Variants in SLC12A6 observed in about 807,000 individuals in gnomAD.
The protein encoded by SLC12A6 is K-Cl cotransporter 3.
A neutral mutation model predicts 135.3 loss-of-function variants in SLC12A6; 66 were observed. The ratio of observed to expected loss-of-function variants is 0.49; its 90% confidence interval spans 0.40 to 0.60. The LOEUF (loss-of-function observed/expected upper bound fraction) is 0.60. SLC12A6 is among the 20% of genes least tolerant of loss of function. The pLI is 0.00. For missense variants in SLC12A6, 1,058 were observed against 1,452.3 expected, an observed-to-expected ratio of 0.73 and a Z score of 4.41; for synonymous variants, 513 against 508.8, an observed-to-expected ratio of 1.01 and a Z score of -0.11.
intron 2 of SLC12A6, among the ~76,000 whole-genome samples, chr15:34,304,569 T>C (rs565708027): frequency 2.0e-5 from 3 of 152,360 alleles, no homozygotes; most frequent in Admixed American, 1.3e-4. Context: ...TTTTTGTTTA[T>C]AGCCATCCCA....
intron 24 of SLC12A6, among the ~76,000 whole-genome samples, 199 bp downstream of exon 24, chr15:34,235,816 G>A (rs1159631683): frequency 6.6e-6 from 1 of 152,148 alleles, no homozygotes; most frequent in Non-Finnish European, 1.5e-5. Flanking sequence ...AACACAGTAT[G>A]GAGGTGAACT....
At chr15:34,334,200 G>C (rs913268045) in intron 2 of SLC12A6, among the ~76,000 whole-genome samples, 3 of 152,126 alleles carry the variant, frequency 2.0e-5, no homozygotes, top group African/African-American at 7.2e-5. Flanking sequence ...GGAGGCATGG[G>C]GGAAAGGAGA....
intron 2 of SLC12A6, among the ~76,000 whole-genome samples, chr15:34,330,658 C>A (rs1431355322): frequency 1.3e-5 from 2 of 150,588 alleles, no homozygotes; most frequent in Non-Finnish European, 2.9e-5. Context: ...CAGAATGAGA[C>A]CCTGTCTCAA....
intron 2 of SLC12A6, among the ~76,000 whole-genome samples, chr15:34,314,513 A>C (rs183019231): frequency 6.6e-6 from 1 of 152,378 alleles, no homozygotes; most frequent in Admixed American, 6.5e-5. Flanking sequence ...TAACATCAAC[A>C]ACAGCATCTT....
chr15:34,269,301 TA>T (rs1484233451), intron 3 of SLC12A6, among the ~76,000 whole-genome samples: 6 of 146,194 alleles, frequency 4.1e-5, no homozygotes, highest in South Asian at 2.1e-4. Flanking sequence ...TTTCATGGCA[TA>T]TTTTTTTTTT....
chr15:34,322,575 G>T (rs2141138367), intron 2 of SLC12A6, among the ~76,000 whole-genome samples: 1 of 152,074 alleles, frequency 6.6e-6, no homozygotes, highest in East Asian at 1.9e-4. Context: ...TAGGATAGAT[G>T]GACACATATG....
At chr15:34,281,743 G>A (rs573611542) in intron 2 of SLC12A6, among the ~76,000 whole-genome samples, 1 of 152,158 alleles carries the variant, frequency 6.6e-6, no homozygotes, top group African/African-American at 2.4e-5. Context: ...AGCCAAGATG[G>A]CGCCACTGCA....
Position 34,245,328 on chromosome 15 carries a change from T to G in SLC12A6, c.1900A>C (p.Ile634Leu). ...ACAAGATCCAGGGAGGCAATGAGTA[T>G]TCCAAGCTCTGCAATGGCAGCAGTT... ...LLTAAIAELG[I>L]LIASLDLVAP... Residue 634 changes from isoleucine to leucine, a missense_variant, in exon 15 of 26, where the codon ATA becomes CTA. By Grantham distance (5) the Ile-to-Leu change is conservative. Transcript: ENST00000354181. 1 of 1,612,998 alleles carries G rather than the reference T, an allele frequency of 6.2e-7. No individual in the cohort carries two copies. Among genetic ancestry groups the G allele is most frequent in the South Asian group, 1.1e-5 (1 of 91,066 alleles).
chr15:34,307,523 A>G (rs1229604938), intron 2 of SLC12A6, among the ~76,000 whole-genome samples: 2 of 152,088 alleles, frequency 1.3e-5, no homozygotes, highest in Non-Finnish European at 2.9e-5. Context: ...AGGTCTCACT[A>G]TGTTCTCAGG....
At chr15:34,309,202 G>A (rs910517715) in intron 2 of SLC12A6, among the ~76,000 whole-genome samples, 1 of 152,026 alleles carries the variant, frequency 6.6e-6, no homozygotes, top group African/African-American at 2.4e-5. Flanking sequence ...CTTTCAGCCT[G>A]GCCAAAGCAA....
chr15:34,309,183 T>C (rs146739650), intron 2 of SLC12A6, among the ~76,000 whole-genome samples: 3,013 of 152,270 alleles, frequency 0.02, 44 homozygotes, highest in Admixed American at 0.035. Context: ...CTGGGTAAAA[T>C]TGTTTCCTCT....
intron 2 of SLC12A6, among the ~76,000 whole-genome samples, chr15:34,291,137 G>A (rs948892717): frequency 5.9e-5 from 9 of 152,164 alleles, no homozygotes; most frequent in Non-Finnish European, 7.3e-5. Flanking sequence ...TCGTATCCAC[G>A]TTTAGTGCTT....
At chr15:34,293,332 T>G (rs1895668455) in intron 2 of SLC12A6, among the ~76,000 whole-genome samples, 1 of 152,130 alleles carries the variant, frequency 6.6e-6, no homozygotes, top group South Asian at 2.1e-4. Flanking sequence ...TGAGACAGAG[T>G]CTCACTCTGT....
chr15:34,329,015 T>G (rs1214973461), intron 2 of SLC12A6, among the ~76,000 whole-genome samples: 1 of 152,236 alleles, frequency 6.6e-6, no homozygotes, highest in Non-Finnish European at 1.5e-5. Context: ...AAGAATACAT[T>G]GTTTTAACAT....
At chr15:34,295,824 C>T (rs1895840585) in intron 2 of SLC12A6, among the ~76,000 whole-genome samples, 1 of 152,106 alleles carries the variant, frequency 6.6e-6, no homozygotes, top group Non-Finnish European at 1.5e-5. Context: ...CATAGAGAAA[C>T]CCTATCTCTA....
intron 9 of SLC12A6, among the ~76,000 whole-genome samples, chr15:34,254,041 A>G (rs2140713371): frequency 6.6e-6 from 1 of 152,326 alleles, no homozygotes; most frequent in South Asian, 2.1e-4. Context: ...GCCCTTTATG[A>G]ATAGTTCAAA....
chr15:34,289,954 G>C (rs886949547), intron 2 of SLC12A6, among the ~76,000 whole-genome samples: 2 of 151,928 alleles, frequency 1.3e-5, no homozygotes, highest in African/African-American at 4.8e-5. Flanking sequence ...TTTTTTAAGG[G>C]ATTTTGTGTC....
At chr15:34,334,366 G>T (rs975573946) in intron 2 of SLC12A6, among the ~76,000 whole-genome samples, 4 of 152,198 alleles carry the variant, frequency 2.6e-5, no homozygotes, top group African/African-American at 9.7e-5. Flanking sequence ...ATTAAAGCCA[G>T]CCTAGAGGGA....
At chr15:34,246,858 C>T (rs887967504) in intron 13 of SLC12A6, among the ~76,000 whole-genome samples, 1 of 152,088 alleles carries the variant, frequency 6.6e-6, no homozygotes, top group African/African-American at 2.4e-5. Flanking sequence ...GCCTTGTTGC[C>T]CAGGCTTGTC....
Sources: allele counts gnomAD v4.1 joint callset (sites outside exome capture counted in the v4.1 genomes callset), GRCh38; gene constraint gnomAD v4.1.1; transcripts MANE v1.5; gene names NCBI Gene and HGNC (gene_info 2026-07-23, HGNC 2026-07-21).